RNLS: variants seen among roughly 807,000 people sequenced by gnomAD.
RNLS encodes renalase.
RNLS carries 39 observed loss-of-function variants against 39.8 expected under a neutral mutation model. The ratio of observed to expected loss-of-function variants is 0.98; its 90% CI spans 0.76 to 1.28. RNLS has a LOEUF of 1.28. Ranked by LOEUF, RNLS falls within the 50% of genes most tolerant of loss-of-function variation. The probability of loss-of-function intolerance (pLI) is 0.00; values close to 1 mark genes in which losing one functional copy is unlikely to be tolerated. For missense variants in RNLS, 410 were observed against 413.3 expected (o/e 0.99, Z 0.07); for synonymous variants, 147 against 150.7 (o/e 0.98, Z 0.18).
rs34199618 is a variant in RNLS, at chr10:88,286,793, GT to G, written c.877-1288del. On this transcript the variant is annotated intron_variant, in intron 6 of 6. Coordinates refer to ENST00000331772, the MANE Select transcript of RNLS (RefSeq NM_001031709.3). ...GGCTGAGTCAGTATATTCCCTTACA[GT>G]TTTTTTTTTTCTTCTAGAGATAGGG... Among the ~76,000 whole-genome samples, 679 of 148,720 alleles carry G rather than the reference GT, an allele frequency of 4.6e-3. 3 individuals are homozygous for G. The highest frequency in any genetic ancestry group is 0.022 in the South Asian group (105 of 4,702).
At chr10:88,526,658 AG>A (rs1847115640) in intron 4 of RNLS, among the ~76,000 whole-genome samples, 1 of 151,864 alleles carries the variant, frequency 6.6e-6, no homozygotes, top group African/African-American at 2.4e-5. Flanking sequence ...CTAGCTACTC[AG>A]GAGGCTGAGG....
chr10:88,444,938 G>T (rs1225284364), intron 4 of RNLS, among the ~76,000 whole-genome samples: 1 of 152,122 alleles, frequency 6.6e-6, no homozygotes, highest in Non-Finnish European at 1.5e-5. Context: ...AGCAAGGCAG[G>T]CCAACATTCA....
the RNLS span, among the ~76,000 whole-genome samples, chr10:88,267,975 T>C: frequency 6.6e-6 from 1 of 152,214 alleles, no homozygotes; most frequent in Non-Finnish European, 1.5e-5. Context: ...GAAACGTTGG[T>C]GTAAGATTTT....
At chr10:88,468,460 T>C (rs151210494) in intron 4 of RNLS, among the ~76,000 whole-genome samples, 2 of 152,278 alleles carry the variant, frequency 1.3e-5, no homozygotes, top group East Asian at 1.9e-4. Context: ...ACATGATTTA[T>C]AATAAAACTG....
chr10:88,240,646 A>G, the RNLS span, among the ~76,000 whole-genome samples: 2 of 151,842 alleles, frequency 1.3e-5, no homozygotes, highest in Non-Finnish European at 2.9e-5. Context: ...GCTTCTATCA[A>G]TCTTCCCTCT....
chr10:88,299,710 A>G (rs1844369988), intron 6 of RNLS, among the ~76,000 whole-genome samples: 1 of 152,204 alleles, frequency 6.6e-6, no homozygotes, highest in South Asian at 2.1e-4. Context: ...TTAAGGTGTT[A>G]TGTTCAGGTC....
At chr10:88,527,890 G>A (rs924863380) in intron 4 of RNLS, among the ~76,000 whole-genome samples, 6 of 150,958 alleles carry the variant, frequency 4.0e-5, no homozygotes, top group African/African-American at 1.5e-4. Flanking sequence ...TCCTCAGAGA[G>A]ATAAGATAGT....
At chr10:88,485,893 A>G (rs1844480703) in intron 4 of RNLS, among the ~76,000 whole-genome samples, 1 of 152,116 alleles carries the variant, frequency 6.6e-6, no homozygotes, top group South Asian at 2.1e-4. Flanking sequence ...AAAATCAATA[A>G]AATTGTACCA....
At chr10:88,400,881 T>C (rs1852870832) in intron 4 of RNLS, among the ~76,000 whole-genome samples, 2 of 151,966 alleles carry the variant, frequency 1.3e-5, no homozygotes, top group African/African-American at 4.8e-5. Flanking sequence ...TACCTTAACT[T>C]TTTACAAATA....
intron 4 of RNLS, among the ~76,000 whole-genome samples, chr10:88,505,281 A>C (rs892563778): frequency 9.9e-5 from 15 of 151,920 alleles, no homozygotes; most frequent in African/African-American, 3.6e-4. Flanking sequence ...AAAAAAAAAA[A>C]GAATCTGGAA....
At chr10:88,225,880 C>A in the RNLS span, among the ~76,000 whole-genome samples, 1 of 151,786 alleles carries the variant, frequency 6.6e-6, no homozygotes, top group Non-Finnish European at 1.5e-5. Context: ...AAATGAAATG[C>A]GCTTAGCTAT....
At chr10:88,181,255 C>G in the RNLS span, among the ~76,000 whole-genome samples, 1 of 152,132 alleles carries the variant, frequency 6.6e-6, no homozygotes. Flanking sequence ...AAGCTAGGAG[C>G]AGTTATCATC....
At chr10:88,422,267 G>A (rs1288247614) in intron 4 of RNLS, among the ~76,000 whole-genome samples, 1 of 152,164 alleles carries the variant, frequency 6.6e-6, no homozygotes, top group Non-Finnish European at 1.5e-5. Context: ...GCCTTATTCA[G>A]TGCACTTATG....
At chr10:88,250,404 A>T in the RNLS span, among the ~76,000 whole-genome samples, 1 of 152,224 alleles carries the variant, frequency 6.6e-6, no homozygotes, top group African/African-American at 2.4e-5. Context: ...ATATGAAGCA[A>T]AGGCTATGAA....
At chr10:88,552,811 T>G (rs1848663697) in intron 4 of RNLS, among the ~76,000 whole-genome samples, 1 of 152,196 alleles carries the variant, frequency 6.6e-6, no homozygotes, top group Admixed American at 6.6e-5. Flanking sequence ...AAAATCTACA[T>G]GAAAGAAAAT....
chr10:88,312,920 G>A (rs1369514130), intron 6 of RNLS, among the ~76,000 whole-genome samples: 1 of 152,080 alleles, frequency 6.6e-6, no homozygotes, highest in Non-Finnish European at 1.5e-5. Flanking sequence ...ACTGTGAGAA[G>A]TATATGAATA....
intron 4 of RNLS, among the ~76,000 whole-genome samples, chr10:88,537,517 C>G (rs896531374): frequency 2.6e-5 from 4 of 152,104 alleles, no homozygotes; most frequent in African/African-American, 9.7e-5. Flanking sequence ...TACTGCACAG[C>G]AGTAAGAATG....
chr10:88,577,940 G>T (rs1469798790), intron 3 of RNLS, among the ~76,000 whole-genome samples: 1 of 152,118 alleles, frequency 6.6e-6, no homozygotes, highest in Non-Finnish European at 1.5e-5. Flanking sequence ...TAATTGCCCT[G>T]GGAGTCTGGT....
chr10:88,269,551 G>A (rs1035928834), downstream of RNLS, among the ~76,000 whole-genome samples: 1 of 152,128 alleles, frequency 6.6e-6, no homozygotes, highest in African/African-American at 2.4e-5. Context: ...GAGGCTCTGG[G>A]TTTACAAGGT....
Sources: gnomAD v4.1 joint callset for allele counts (sites outside exome capture counted in the v4.1 genomes callset) on GRCh38, gnomAD v4.1.1 for gene constraint, MANE v1.5 for transcripts, NCBI Gene and HGNC (gene_info 2026-07-23, HGNC 2026-07-21) for gene names.